Variants in TMTC3 observed in about 807,000 individuals in gnomAD.
The protein encoded by TMTC3 is protein O-mannosyl-transferase TMTC3.
In TMTC3, 52 loss-of-function variants were observed where a neutral mutation model predicts 92.2. The ratio of observed to expected loss-of-function variants is 0.56; its 90% CI spans 0.45 to 0.71. TMTC3 has a LOEUF of 0.71. Among genes scored for constraint, TMTC3 ranks in the 30% least tolerant of loss-of-function variants. The probability of loss-of-function intolerance (pLI) is 0.00; values close to 1 mark genes in which losing one functional copy is unlikely to be tolerated. For synonymous variants in TMTC3, 339 were observed against 363.3 expected (o/e 0.93, Z 0.76); for missense variants, 896 against 1,057.1 (o/e 0.85, Z 2.11).
intron 10 of TMTC3, among the ~76,000 whole-genome samples, chr12:88,176,724 A>G (rs913262913): frequency 6.6e-6 from 1 of 152,204 alleles, no homozygotes; most frequent in Non-Finnish European, 1.5e-5. Flanking sequence ...GCAGTGAGCT[A>G]TGATCACATG....
intron 10 of TMTC3, among the ~76,000 whole-genome samples, chr12:88,176,900 A>C (rs1592741604): frequency 6.6e-6 from 1 of 152,202 alleles, no homozygotes; most frequent in Non-Finnish European, 1.5e-5. Flanking sequence ...TAGTGAGCTT[A>C]AGAGAATGGG....
intron 2 of TMTC3, among the ~76,000 whole-genome samples, chr12:88,149,409 A>G: frequency 6.6e-6 from 1 of 152,160 alleles, no homozygotes; most frequent in South Asian, 2.1e-4. Context: ...CCTGATCTGT[A>G]AAAGAGGATA....
In TMTC3 at chr12:88,174,588, CT is replaced by C; in HGVS notation, c.1200-12del. 6.3e-7 allele frequency: 1 copy of C among 1,581,990 alleles called. No homozygotes were observed. Among genetic ancestry groups the C allele is most frequent in the Non-Finnish European group, 8.6e-7 (1 of 1,169,290 alleles). Reference sequence around the variant, plus strand: ...GATGAAGACAATTTTTTTTGTTTTGCTTTTTTTCTCTTAAACAGTGTATTTA... The same window carrying C: ...GATGAAGACAATTTTTTTTGTTTTGCTTTTTTCTCTTAAACAGTGTATTTA... On this transcript the variant is annotated intron_variant, in intron 8 of 13. Transcript: ENST00000266712.
intron 8 of TMTC3, 123 bp from the exon 9 acceptor site, chr12:88,174,484 A>C (rs1202460538): frequency 1.8e-6 from 2 of 1,141,742 alleles, no homozygotes; most frequent in Admixed American, 3.1e-5. Flanking sequence ...AGAATGAATT[A>C]GAATAAATTA....
At position 88,199,291 on chromosome 12, in the gene TMTC3, A is replaced by C. The variant is rs1026677818; in HGVS notation, c.*3642A>C. The C allele has an allele frequency of 2.0e-5, 3 of 152,006 alleles. No individual in the cohort carries two copies. Among genetic ancestry groups the C allele is most frequent in the African/African-American group, 7.2e-5 (3 of 41,422 alleles). 9.4% of individuals were successfully genotyped at this position (152,006 alleles called of 1,614,324 possible). On this transcript the variant is annotated 3_prime_UTR_variant, in exon 14 of 14. Coordinates refer to ENST00000266712, the MANE Select transcript of TMTC3 (RefSeq NM_181783.4). ...GGCATAACTTAGAGGAAATTGTTCT[A>C]CCTATATGTCCTCAGTTTCTTCATC...
Position 88,196,571 on chromosome 12 carries a change from A to C in TMTC3, c.*922A>C, listed in dbSNP as rs1270678645. On this transcript the variant is annotated 3_prime_UTR_variant, in exon 14 of 14. Coordinates refer to ENST00000266712, the MANE Select transcript of TMTC3 (RefSeq NM_181783.4). ...TTTTAATTTTTTTGTTTCCAAAGTC[A>C]CAATTGAATTATTCTTAGATACCTT... The C allele has an allele frequency of 1.3e-5, 2 of 151,900 alleles. No individual in the cohort carries two copies. Among genetic ancestry groups the C allele is most frequent in the Non-Finnish European group, 2.9e-5 (2 of 67,842 alleles). The allele number at this position is 151,900 out of a possible 1,614,324, so 9.4% of individuals were successfully genotyped here. A position where few individuals can be genotyped will look rare whatever the true frequency, so the allele number is the denominator to read the frequency against.
chr12:88,188,716 G>A, intron 10 of TMTC3, 127 bp from the exon 11 acceptor site: 1 of 515,376 alleles, frequency 1.9e-6, no homozygotes, highest in Non-Finnish European at 3.4e-6. Flanking sequence ...TTTGTTTCTG[G>A]AAATATGTCT....
intron 1 of TMTC3, among the ~76,000 whole-genome samples, chr12:88,143,807 C>T (rs1303708518): frequency 1.3e-5 from 2 of 152,140 alleles, no homozygotes; most frequent in Admixed American, 6.5e-5. Context: ...CATACACCCC[C>T]ATTGGAGGTG....
In TMTC3 at chr12:88,148,167, A is replaced by G; in HGVS notation, c.-28-121A>G. ...ACTAGCTTATGCTTCTTAGAAGTGGATGGCATTTTAGCTGCGCTTTTCTCT... is the reference window on the plus strand; with the variant it reads ...ACTAGCTTATGCTTCTTAGAAGTGGGTGGCATTTTAGCTGCGCTTTTCTCT... On this transcript the variant is annotated intron_variant, in intron 1 of 13. Transcript: ENST00000266712. 6.5e-6 allele frequency: 4 copies of G among 613,696 alleles called. No homozygotes were observed. In the South Asian group the frequency reaches 8.7e-5, roughly 13 times the overall value. The allele number at this position is 613,696 out of a possible 1,614,324, so 38.0% of individuals were successfully genotyped here.
Position 88,166,363 on chromosome 12 carries a change from T to C in TMTC3, c.831T>C (p.Pro277=), listed in dbSNP as rs2041143677. 1 of 1,613,990 alleles carries C rather than the reference T, an allele frequency of 6.2e-7. No individual in the cohort carries two copies. Among genetic ancestry groups the C allele is most frequent in the East Asian group, 2.2e-5 (1 of 44,850 alleles). The change falls in exon 7 of 14, where the codon CCT becomes CCC. Residue 277 remains proline (P), a synonymous_variant. Coordinates refer to ENST00000266712, the MANE Select transcript of TMTC3 (RefSeq NM_181783.4). ...FDNPAAVSPT[P]TRQLTFNYLL... The stretch of plus-strand genomic sequence containing the variant: ...ACCCAGCTGCTGTAAGCCCAACTCC[T>C]ACAAGGCAACTAACTTTTAACTACC...
chr12:88,162,460 T>A (rs1177176232), intron 6 of TMTC3, among the ~76,000 whole-genome samples: 1 of 152,190 alleles, frequency 6.6e-6, no homozygotes, highest in Non-Finnish European at 1.5e-5. Flanking sequence ...TTGAAGTTGT[T>A]GCACTGATGC....
At chr12:88,143,424 G>GT (rs1467252166) in intron 1 of TMTC3, among the ~76,000 whole-genome samples, 1 of 152,126 alleles carries the variant, frequency 6.6e-6, no homozygotes, top group African/African-American at 2.4e-5. Flanking sequence ...TTACAATCCA[G>GT]TGAAATAGGT....
In TMTC3 at chr12:88,166,427, G is replaced by C. The variant is rs145643372; in HGVS notation, c.895G>C (p.Glu299Gln). The change falls in exon 7 of 14, where the codon GAG becomes CAG. Residue 299 changes from glutamate to glutamine, a missense_variant. Coordinates refer to ENST00000266712, the MANE Select transcript of TMTC3 (RefSeq NM_181783.4). Reference protein sequence around the residue: ...VNAWLLLNPSELCCDWTMGTI... With the variant: ...VNAWLLLNPSQLCCDWTMGTI... Reference sequence around the variant, plus strand: ...TGCTTGGTTGTTATTAAATCCTTCAGAGCTCTGCTGTGATTGGACCATGGG... The same window carrying C: ...TGCTTGGTTGTTATTAAATCCTTCACAGCTCTGCTGTGATTGGACCATGGG... 2.8e-5 allele frequency: 45 copies of C among 1,613,618 alleles called. No homozygotes were observed. The African/African-American group carries it at 4.7e-4, about 17-fold the overall frequency.
chr12:88,145,338 G>A (rs1278104758), intron 1 of TMTC3, among the ~76,000 whole-genome samples: 1 of 152,098 alleles, frequency 6.6e-6, no homozygotes, highest in Non-Finnish European at 1.5e-5. Context: ...TCTGCTTGCT[G>A]CACACTCATT....
At chr12:88,175,049 C>A (rs1009848231) in intron 9 of TMTC3, among the ~76,000 whole-genome samples, 1 of 151,844 alleles carries the variant, frequency 6.6e-6, no homozygotes, top group African/African-American at 2.4e-5. Flanking sequence ...TTTTTTATAT[C>A]TCTGAAATCA....
At chr12:88,193,906 T>G (rs965415685) in intron 13 of TMTC3, among the ~76,000 whole-genome samples, 11 of 152,270 alleles carry the variant, frequency 7.2e-5, no homozygotes, top group African/African-American at 2.2e-4. Flanking sequence ...GCTTTTTTTT[T>G]GCAATAGAAA....
At position 88,198,359 on chromosome 12, in the gene TMTC3, T is replaced by A. The variant is rs2041539783; in HGVS notation, c.*2710T>A. ...TTTGTATGCTGGTGAATGGATAGTT[T>A]TAATTCTCACTGTCTCAAAAGAGAA... On this transcript the variant is annotated 3_prime_UTR_variant, in exon 14 of 14. Coordinates refer to ENST00000266712, the MANE Select transcript of TMTC3 (RefSeq NM_181783.4). The A allele has an allele frequency of 2.5e-6, 1 of 398,036 alleles. No homozygotes were observed. Among genetic ancestry groups the A allele is most frequent in the Non-Finnish European group, 4.4e-6 (1 of 225,696 alleles). 24.7% of individuals were successfully genotyped at this position (398,036 alleles called of 1,614,324 possible).
intron 2 of TMTC3, among the ~76,000 whole-genome samples, chr12:88,150,761 A>T (rs2040933209): frequency 6.6e-6 from 1 of 152,134 alleles, no homozygotes; most frequent in Admixed American, 6.5e-5. Flanking sequence ...CTAATCATTG[A>T]TATCATCAAG....
In TMTC3 at chr12:88,198,236, G is replaced by A; in HGVS notation, c.*2587G>A. On this transcript the variant is annotated 3_prime_UTR_variant, in exon 14 of 14. Coordinates refer to ENST00000266712, the MANE Select transcript of TMTC3 (RefSeq NM_181783.4). ...TTTTTCCTCTGGAGCTGCCTGTTCA[G>A]TGAGATGGAGGAGGTGGGCACATTT... 2.5e-6 allele frequency: 1 copy of A among 397,008 alleles called. No individual in the cohort carries two copies. Among genetic ancestry groups the A allele is most frequent in the Admixed American group, 4.4e-5 (1 of 22,666 alleles). The allele number at this position is 397,008 out of a possible 1,614,324, so 24.6% of individuals were successfully genotyped here. A position where few individuals can be genotyped will look rare whatever the true frequency, so the allele number is the denominator to read the frequency against.
Sources: gnomAD v4.1 joint callset for allele counts (sites outside exome capture counted in the v4.1 genomes callset) on GRCh38, gnomAD v4.1.1 for gene constraint, MANE v1.5 for transcripts, NCBI Gene and HGNC (gene_info 2026-07-23, HGNC 2026-07-21) for gene names.